The following GCC2 variants were observed in gnomAD, a reference collection of about 807,000 sequenced individuals.
GCC2 encodes GRIP and coiled-coil domain-containing protein 2.
GCC2 carries 120 observed loss-of-function variants against 210.6 expected under a neutral mutation model. That is an observed-to-expected ratio of 0.57 (90% CI 0.49 to 0.66). The LOEUF is 0.66. Ranked by LOEUF, GCC2 falls within the 30% of genes least tolerant of loss-of-function variation. The pLI is 0.00. For missense variants in GCC2, 1,868 were observed against 1,871.9 expected (o/e 1.00, Z 0.04); for synonymous variants, 703 against 652.7 (o/e 1.08, Z -1.17).
intron 10 of GCC2, 68 bp downstream of exon 10, chr2:108,481,884 T>TA (rs1050074951): frequency 4.4e-6 from 5 of 1,123,632 alleles, no homozygotes; most frequent in East Asian, 2.6e-5. Flanking sequence ...ACTTTTTGCA[T>TA]AAAAAATTTA....
At chr2:108,463,602 T>C (rs1680717576) in intron 4 of GCC2, among the ~76,000 whole-genome samples, 1 of 152,152 alleles carries the variant, frequency 6.6e-6, no homozygotes, top group Admixed American at 6.5e-5. Flanking sequence ...AGTTGTGGAT[T>C]GAGCATGCCT....
chr2:108,472,491 G>A (rs940458765), intron 6 of GCC2, among the ~76,000 whole-genome samples: 4 of 151,952 alleles, frequency 2.6e-5, no homozygotes, highest in African/African-American at 9.7e-5. Context: ...AGCTGTGGTG[G>A]TATTGCTAAA....
chr2:108,467,014 T>C (rs1033459944), intron 4 of GCC2, among the ~76,000 whole-genome samples: 2 of 152,228 alleles, frequency 1.3e-5, no homozygotes, highest in East Asian at 1.9e-4. Context: ...ATATTGTCTT[T>C]ATTATTTTTC....
chr2:108,451,062 T>G lies in GCC2; in HGVS notation c.98T>G (p.Phe33Cys). ...ETLPKEDLIK[F>C]AKKQMMLIQK... is the part of the protein sequence containing the mutation. ...TTGCCCAAAGAAGACCTCATCAAGT[T>G]TGCCAAGAAACAGATGATGCTAATA... Residue 33 changes from phenylalanine to cysteine, a missense_variant, in exon 3 of 23, where the codon TTT becomes TGT. By Grantham distance (205) the Phe-to-Cys change is radical (BLOSUM62 -2). This residue lies in a region of GCC2 where 1,847 missense variants were observed against 1,765.2 expected (regional missense o/e 1.05). Coordinates refer to ENST00000309863, the MANE Select transcript of GCC2 (RefSeq NM_181453.4). The G allele has an allele frequency of 6.2e-7, 1 of 1,613,430 alleles. No individual in the cohort carries two copies. Among genetic ancestry groups the G allele is most frequent in the Non-Finnish European group, 8.5e-7 (1 of 1,179,426 alleles).
In GCC2 at chr2:108,469,289, CT is replaced by C. The variant is rs1310258547; in HGVS notation, c.321+211del. ...GTGACATTTACTTTTGTTGCATTAT[CT>C]TTTTTATAGCTATAATGCCATCTTT... is the stretch of plus-strand genomic sequence containing the variant. On this transcript the variant is annotated intron_variant, in intron 5 of 22. Transcript: ENST00000309863. 31 of 442,194 alleles carry C rather than the reference CT, an allele frequency of 7.0e-5. No individual in the cohort carries two copies. The East Asian group carries it at 8.5e-4, about 12-fold the overall frequency. 27.4% of individuals were successfully genotyped at this position (442,194 alleles called of 1,614,324 possible).
chr2:108,475,597 G>C lies in GCC2; in HGVS notation c.2923G>C (p.Val975Leu). ...AATAAATAAGATAAAATTAGTTGCC[G>C]TAAAGGCAAAGAAAGAACTAGATTC... The part of the protein sequence containing the change: ...EKINKIKLVA[V>L]KAKKELDSSR... Residue 975 changes from valine (V) to leucine (L), a missense_variant, in exon 8 of 23, where the codon GTA (valine) becomes CTA (leucine). This residue lies in a region of GCC2 where 1,847 missense variants were observed against 1,765.2 expected (regional missense o/e 1.05). Coordinates refer to ENST00000309863, the MANE Select transcript of GCC2 (RefSeq NM_181453.4). 6.5e-7 allele frequency: 1 copy of C among 1,538,536 alleles called. No individual in the cohort carries two copies. Among genetic ancestry groups the C allele is most frequent in the Non-Finnish European group, 8.7e-7 (1 of 1,144,852 alleles).
Position 108,482,420 on chromosome 2 carries a change from C to A in GCC2, c.3314C>A (p.Ala1105Asp). 6.4e-7 allele frequency: 1 copy of A among 1,574,752 alleles called. No homozygotes were observed. Among genetic ancestry groups the A allele is most frequent in the Non-Finnish European group, 8.7e-7 (1 of 1,147,826 alleles). The change falls in exon 11 of 23, where the codon GCT becomes GAT. Residue 1105 changes from alanine (A) to aspartate (D), a missense_variant. Physicochemically the swap from Ala to Asp is moderately radical, Grantham distance 126 (BLOSUM62 -2). Coordinates refer to ENST00000309863, the MANE Select transcript of GCC2 (RefSeq NM_181453.4). ...GCAATGGTAGACAAAGAATTAGAAG[C>A]TGAAAAACTTCAGAAAGAACAGAAG... ...AKAMVDKELE[A>D]EKLQKEQKIK...
At chr2:108,457,226 C>T (rs1370958315) in intron 4 of GCC2, among the ~76,000 whole-genome samples, 1 of 152,148 alleles carries the variant, frequency 6.6e-6, no homozygotes, top group Non-Finnish European at 1.5e-5. Flanking sequence ...GATTTCCTGG[C>T]ACCGTTTGTT....
intron 2 of GCC2, 179 bp downstream of exon 2, chr2:108,449,868 T>C: frequency 5.1e-6 from 3 of 589,448 alleles, no homozygotes; most frequent in Non-Finnish European, 9.0e-6. Context: ...CCCACCCCGA[T>C]ATAGAAAGAC....
chr2:108,507,089 T>G (rs149357068), intron 22 of GCC2, among the ~76,000 whole-genome samples: 1 of 152,092 alleles, frequency 6.6e-6, no homozygotes, highest in African/African-American at 2.4e-5. Context: ...ATTTAGTAAG[T>G]AGTGTGTCTA....
In GCC2 at chr2:108,487,860, A is replaced by T. The variant is rs1029323666; in HGVS notation, c.4052+40A>T. 6 of 1,561,972 alleles carry T rather than the reference A, an allele frequency of 3.8e-6. No individual in the cohort carries two copies. In the African/African-American group the frequency reaches 8.3e-5, roughly 22 times the overall value. ...AAATATGCAGAGTTTTCCTCCCACA[A>T]TGCAGGTTCTTCACCAAGTAGATTG... On this transcript the variant is annotated intron_variant, in intron 17 of 22. Transcript: ENST00000309863.
intron 9 of GCC2, among the ~76,000 whole-genome samples, chr2:108,480,006 A>AAAAAAAAAAAAAAC (rs1681763829): frequency 8.3e-6 from 1 of 121,186 alleles, no homozygotes; most frequent in Admixed American, 8.3e-5. Flanking sequence ...AAAAAAAAAA[A>AAAAAAAAAAAAAAC]AAACGAAAAA....
At chr2:108,452,528 G>C in intron 4 of GCC2, 62 bp downstream of exon 4, 1 of 962,118 alleles carries the variant, frequency 1.0e-6, no homozygotes, top group South Asian at 1.3e-5. Context: ...TTGTCAGTCT[G>C]CTAGAGGCTA....
At chr2:108,504,934 A>G (rs1683112104) in intron 22 of GCC2, among the ~76,000 whole-genome samples, 1 of 152,212 alleles carries the variant, frequency 6.6e-6, no homozygotes, top group African/African-American at 2.4e-5. Flanking sequence ...CTTTTTGATC[A>G]TCTCCAGACT....
At chr2:108,477,574 A>G (rs1283703096) in intron 9 of GCC2, among the ~76,000 whole-genome samples, 1 of 152,232 alleles carries the variant, frequency 6.6e-6, no homozygotes, top group East Asian at 1.9e-4. Context: ...AGTTTGAAAC[A>G]GAAACCAATG....
At chr2:108,478,415 A>G (rs1681655997) in intron 9 of GCC2, among the ~76,000 whole-genome samples, 1 of 152,208 alleles carries the variant, frequency 6.6e-6, no homozygotes, top group African/African-American at 2.4e-5. Flanking sequence ...TTCAGGATGC[A>G]TCATTATAAA....
intron 4 of GCC2, among the ~76,000 whole-genome samples, chr2:108,463,908 C>A (rs1680732318): frequency 6.6e-6 from 1 of 152,166 alleles, no homozygotes; most frequent in African/African-American, 2.4e-5. Context: ...GTGGTAGCAG[C>A]AGGTTAAGTG....
At chr2:108,494,356 A>G (rs536616581) in intron 19 of GCC2, 1 of 152,390 alleles carries the variant, frequency 6.6e-6, no homozygotes, top group African/African-American at 2.4e-5. Flanking sequence ...CCTGTGTGAC[A>G]GAGTGAGACC....
intron 12 of GCC2, among the ~76,000 whole-genome samples, 190 bp downstream of exon 12, chr2:108,483,356 C>G (rs1027638556): frequency 6.6e-6 from 1 of 151,830 alleles, no homozygotes; most frequent in Non-Finnish European, 1.5e-5. Flanking sequence ...TCCAAGTAGC[C>G]GAGATTCCAC....
Sources: allele counts gnomAD v4.1 joint callset (sites outside exome capture counted in the v4.1 genomes callset), GRCh38; gene constraint gnomAD v4.1.1; regional missense constraint gnomAD v4.1.1; transcripts MANE v1.5; gene names NCBI Gene and HGNC (gene_info 2026-07-23, HGNC 2026-07-21).